Variants in CSPG4 observed in about 807,000 individuals in gnomAD.
The protein encoded by CSPG4 is chondroitin sulfate proteoglycan 4.
Under a neutral mutation model 139.3 loss-of-function variants are expected in CSPG4, and 74 were observed. The observed-to-expected ratio is 0.53, with a 90% CI of 0.44 to 0.64. CSPG4 has a LOEUF of 0.64. Ranked by LOEUF, CSPG4 falls within the 30% of genes least tolerant of loss-of-function variation. CSPG4 has a pLI of 0.00. For missense variants in CSPG4, 2,565 were observed against 3,148.3 expected (o/e 0.81, Z 4.43); for synonymous variants, 1,234 against 1,394.2 (o/e 0.89, Z 2.56).
chr15:75,676,103 C>CAGT lies in CSPG4; in HGVS notation c.6415_6416insACT (p.Gly2139delinsAspCys). ...CCACAGCTCCAGAGTGAGACTGTCA[C>CAGT]CTGCGGGGCCGGGGGCCCTCCCCTC... On this transcript the variant is annotated protein_altering_variant, in exon 10 of 10. Coordinates refer to ENST00000308508, the MANE Select transcript of CSPG4 (RefSeq NM_001897.5). 6.5e-7 allele frequency: 1 copy of CAGT among 1,534,332 alleles called. No homozygotes were observed. Among genetic ancestry groups the CAGT allele is most frequent in the Non-Finnish European group, 8.7e-7 (1 of 1,144,170 alleles).
intron 3 of CSPG4, among the ~76,000 whole-genome samples, chr15:75,686,896 C>T (rs1178859871): frequency 1.3e-5 from 2 of 152,212 alleles, no homozygotes; most frequent in Non-Finnish European, 2.9e-5. Flanking sequence ...AGCGGCCTGT[C>T]TCCACGGTCA....
chr15:75,700,926 G>A (rs1332858016), intron 1 of CSPG4, among the ~76,000 whole-genome samples: 1 of 152,156 alleles, frequency 6.6e-6, no homozygotes, highest in African/African-American at 2.4e-5. Flanking sequence ...ACAGAGGGTG[G>A]GCTCACCCCA....
At chr15:75,710,611 C>A (rs1409968906) in intron 1 of CSPG4, among the ~76,000 whole-genome samples, 3 of 152,164 alleles carry the variant, frequency 2.0e-5, no homozygotes, top group African/African-American at 7.2e-5. Context: ...GACTGCCAGG[C>A]CCCCTGACCT....
intron 8 of CSPG4, among the ~76,000 whole-genome samples, chr15:75,681,608 G>C (rs1477645256): frequency 6.6e-6 from 1 of 152,200 alleles, no homozygotes; most frequent in Non-Finnish European, 1.5e-5. Flanking sequence ...GCCCCGCTCT[G>C]CCCTGCTATG....
intron 1 of CSPG4, among the ~76,000 whole-genome samples, chr15:75,701,419 T>C (rs1393968257): frequency 3.3e-5 from 5 of 151,814 alleles, no homozygotes; most frequent in Non-Finnish European, 7.4e-5. Context: ...TGCCGGGGGG[T>C]GCACCAGGAA....
At chr15:75,694,994 G>A (rs182009761) in intron 1 of CSPG4, among the ~76,000 whole-genome samples, 34 of 152,344 alleles carry the variant, frequency 2.2e-4, no homozygotes, top group Admixed American at 9.1e-4. Context: ...CTGCTGGAGC[G>A]GCTGACAGCA....
rs142178295 is a variant in CSPG4, at chr15:75,688,813, T to C, written c.2252A>G (p.His751Arg). The change falls in exon 3 of 10, where the codon CAC (histidine) becomes CGC (arginine). Residue 751 changes from histidine (H) to arginine (R), a missense_variant. Around this residue, in one of 5 missense-constraint regions of CSPG4, gnomAD observed 2,316 missense variants for 2,818.2 expected, o/e 0.82. Transcript: ENST00000308508. ...VRYLSTDPQH[H>R]AYDTVENLAL... ...CAGGTTCTCCACGGTGTCGTAAGCG[T>C]GGTGCTGTGGGTCAGTGCTCAGGTA... 829 of 1,612,756 alleles carry C rather than the reference T, an allele frequency of 5.1e-4. No individual in the cohort carries two copies. The highest frequency in any genetic ancestry group is 6.8e-4 in the Non-Finnish European group (803 of 1,179,944).
chr15:75,684,041 G>GCCCCCCCA (rs1894018695), intron 5 of CSPG4, among the ~76,000 whole-genome samples: 1 of 49,256 alleles, frequency 2.0e-5, no homozygotes. Flanking sequence ...CCCCACCCCC[G>GCCCCCCCA]CCCCAGGCAC....
chr15:75,689,093 C>T lies in CSPG4; in HGVS notation c.1972G>A (p.Ala658Thr), dbSNP rs140477924. ...ASPPATLKVVAIRPAIQIHRS... is the reference protein window; with the variant it reads ...ASPPATLKVVTIRPAIQIHRS... ...TGGATCTGTATGGCCGGCCGGATGG[C>T]CACCACCTTCAGCGTGGCCGGGGGG... The change falls in exon 3 of 10, where the codon GCC (alanine) becomes ACC (threonine). Residue 658 changes from alanine to threonine, a missense_variant. Around this residue, in one of 5 missense-constraint regions of CSPG4, gnomAD observed 2,316 missense variants for 2,818.2 expected, o/e 0.82. Coordinates refer to ENST00000308508, the MANE Select transcript of CSPG4 (RefSeq NM_001897.5). 8.1e-6 allele frequency: 13 copies of T among 1,605,780 alleles called. No homozygotes were observed. The African/African-American group carries it at 1.3e-4, about 17-fold the overall frequency.
chr15:75,681,568 G>A (rs566050969), intron 8 of CSPG4, among the ~76,000 whole-genome samples: 12 of 152,302 alleles, frequency 7.9e-5, no homozygotes, highest in Admixed American at 3.9e-4. Context: ...CACATGTGCC[G>A]CCTGCCTGGG....
chr15:75,689,132 C>T lies in CSPG4; in HGVS notation c.1933G>A (p.Gly645Arg), dbSNP rs756547001. 3.1e-6 allele frequency: 5 copies of T among 1,599,576 alleles called. No homozygotes were observed. In the African/African-American group the frequency reaches 6.7e-5, roughly 21 times the overall value. ...GTGGCCGGGGGGCTGGCCTGCAGTC[C>T]ATCGCTGACCCGGAACGTCAAGTCC... is the stretch of plus-strand genomic sequence containing the variant. Reference protein sequence around the residue: ...AQDLTFRVSDGLQASPPATLK... With the variant: ...AQDLTFRVSDRLQASPPATLK... Residue 645 changes from glycine (G) to arginine (R), a missense_variant, in exon 3 of 10, where the codon GGA (glycine) becomes AGA (arginine). Around this residue, in one of 5 missense-constraint regions of CSPG4, gnomAD observed 2,316 missense variants for 2,818.2 expected, o/e 0.82. Transcript: ENST00000308508.
At chr15:75,697,647 C>CA (rs1894246007) in intron 1 of CSPG4, among the ~76,000 whole-genome samples, 1 of 152,228 alleles carries the variant, frequency 6.6e-6, no homozygotes, top group African/African-American at 2.4e-5. Flanking sequence ...CAGGCTGCGT[C>CA]ATGGGAGCAG....
intron 1 of CSPG4, among the ~76,000 whole-genome samples, chr15:75,701,255 C>T (rs1381418913): frequency 3.9e-5 from 6 of 152,178 alleles, no homozygotes; most frequent in African/African-American, 1.4e-4. Context: ...AGCAAGAAGG[C>T]CATGGACCTG....
rs1415612465 is a variant in CSPG4 at position 75,685,632 on chromosome 15, G to A, written c.3859C>T (p.Leu1287=). 9.9e-6 allele frequency: 16 copies of A among 1,609,688 alleles called. No homozygotes were observed. Among genetic ancestry groups the A allele is most frequent in the African/African-American group, 1.3e-5 (1 of 74,916 alleles). The change falls in exon 4 of 10, where the codon CTG becomes TTG. Residue 1287 remains leucine, a synonymous_variant. Coordinates refer to ENST00000308508, the MANE Select transcript of CSPG4 (RefSeq NM_001897.5). The part of the protein sequence containing the change: ...SVKSPPSAGY[L]VMVSRGALAD... ...AAGGCGCCACGCGACACCATCACCA[G>A]GTAGCCGGCACTCGGTGGGCTCTTC...
At position 75,676,962 on chromosome 15, in the gene CSPG4, G is replaced by A. The variant is rs371534014; in HGVS notation, c.5557C>T (p.Arg1853Trp). The A allele has an allele frequency of 1.8e-5, 27 of 1,500,952 alleles. 1 individual carries two copies. Among genetic ancestry groups the A allele is most frequent in the South Asian group, 5.2e-5 (4 of 77,450 alleles). The allele number at this position is 1,500,952 out of a possible 1,614,324, so 93.0% of individuals were successfully genotyped here. A position where few individuals can be genotyped will look rare whatever the true frequency, so the allele number is the denominator to read the frequency against. ...LTRGSRAPIS[R>W]AQLSVVDPDS... is the part of the protein sequence containing the mutation. ...GGGTCCACCACACTCAGCTGGGCCCGGGAGATGGGGGCACGAGAGCCTCGG... is the reference window on the plus strand; with the variant it reads ...GGGTCCACCACACTCAGCTGGGCCCAGGAGATGGGGGCACGAGAGCCTCGG... The change falls in exon 10 of 10, where the codon CGG becomes TGG. Residue 1853 changes from arginine to tryptophan, a missense_variant. Physicochemically the swap from Arg to Trp is moderately radical, Grantham distance 101. Transcript: ENST00000308508.
chr15:75,678,750 C>T, intron 8 of CSPG4: 1 of 456,336 alleles, frequency 2.2e-6, no homozygotes, highest in South Asian at 1.5e-5. Context: ...AGTCCACGCT[C>T]TCCCCCAGGC....
At position 75,696,371 on chromosome 15, in the gene CSPG4, G is replaced by A. The variant is rs1408001796; in HGVS notation, c.89-3138C>T. ...GGGAGGGGCAGGAAGAGTGCTGCGT[G>A]TATGGGTTTCTCTCTCTGGAAGGCG... On this transcript the variant is annotated intron_variant, in intron 1 of 9. Coordinates refer to ENST00000308508, the MANE Select transcript of CSPG4 (RefSeq NM_001897.5). The surrounding 1 kb of genome is among the most constrained non-coding windows in gnomAD (Gnocchi z 4.2). 1.3e-5 allele frequency among the ~76,000 whole-genome samples: 2 copies of A among 152,148 alleles called. No individual in the cohort carries two copies. Among genetic ancestry groups the A allele is most frequent in the Admixed American group, 6.5e-5 (1 of 15,278 alleles).
At position 75,675,887 on chromosome 15, in the gene CSPG4, T is replaced by G; in HGVS notation, c.6632A>C (p.Lys2211Thr). The G allele has an allele frequency of 6.2e-7, 1 of 1,605,650 alleles. No homozygotes were observed. The highest frequency in any genetic ancestry group is 8.5e-7 in the Non-Finnish European group (1 of 1,179,884). The change falls in exon 10 of 10, where the codon AAG becomes ACG. Residue 2211 changes from lysine (K) to threonine (T), a missense_variant. Lys to Thr is a moderately conservative substitution (Grantham distance 78). Around this residue, in one of 5 missense-constraint regions of CSPG4, gnomAD observed 2,316 missense variants for 2,818.2 expected, o/e 0.82. Transcript: ENST00000308508. Reference sequence around the variant, plus strand: ...CTCAAGGAAGCTCAGGAAGCCTCCCTTGGCCACAGCGGGCTCAGGGCTGGA... The same window carrying G: ...CTCAAGGAAGCTCAGGAAGCCTCCCGTGGCCACAGCGGGCTCAGGGCTGGA... ...MASSPEPAVA[K>T]GGFLSFLEAN...
At chr15:75,692,386 G>T (rs1176887537) in intron 2 of CSPG4, among the ~76,000 whole-genome samples, 1 of 152,204 alleles carries the variant, frequency 6.6e-6, no homozygotes, top group African/African-American at 2.4e-5. Context: ...TCCCAAAGTG[G>T]TGGGATTATA....
Sources: allele counts gnomAD v4.1 joint callset (sites outside exome capture counted in the v4.1 genomes callset), GRCh38; gene constraint gnomAD v4.1.1; regional missense constraint gnomAD v4.1.1; non-coding constraint Gnocchi (gnomAD v3.1); transcripts MANE v1.5; gene names NCBI Gene and HGNC (gene_info 2026-07-23, HGNC 2026-07-21).